CDH12: variants seen among roughly 807,000 people sequenced by gnomAD.
CDH12 encodes cadherin-12.
CDH12 carries 41 observed loss-of-function variants against 74.1 expected under a neutral mutation model. That is an observed-to-expected ratio of 0.55 (90% CI 0.43 to 0.72). CDH12 has a LOEUF of 0.72. Ranked by LOEUF, CDH12 falls within the 30% of genes least tolerant of loss-of-function variation. The pLI, the probability that CDH12 is intolerant of heterozygous loss-of-function variation, is 0.00. For synonymous variants in CDH12, 399 were observed against 355.0 expected (o/e 1.12, Z -1.39); for missense variants, 945 against 977.2 (o/e 0.97, Z 0.44).
chr5:22,816,537 T>G (rs1006392724), intron 1 of CDH12, among the ~76,000 whole-genome samples: 2 of 152,172 alleles, frequency 1.3e-5, no homozygotes, highest in African/African-American at 4.8e-5. Context: ...GGAAAGTATC[T>G]ACTTTTCTTG....
chr5:22,515,714 AT>A (rs1019944119), intron 1 of CDH12, among the ~76,000 whole-genome samples: 1 of 152,096 alleles, frequency 6.6e-6, no homozygotes, highest in African/African-American at 2.4e-5. Context: ...CTAATTAAAA[AT>A]TTTTATATCC....
intron 1 of CDH12, among the ~76,000 whole-genome samples, chr5:22,680,038 A>G (rs1351231800): frequency 4.6e-5 from 7 of 152,134 alleles, no homozygotes. Flanking sequence ...AGATAGCAAC[A>G]GTGTCCTTTG....
At chr5:22,188,027 C>T (rs1750066045) in intron 4 of CDH12, among the ~76,000 whole-genome samples, 1 of 151,330 alleles carries the variant, frequency 6.6e-6, no homozygotes, top group Non-Finnish European at 1.5e-5. Context: ...AAGGGCAGTG[C>T]TGTCATTTGA....
chr5:22,738,934 T>G (rs1744877686), intron 1 of CDH12, among the ~76,000 whole-genome samples: 1 of 152,074 alleles, frequency 6.6e-6, no homozygotes, highest in Admixed American at 6.6e-5. Flanking sequence ...CATTTCATAT[T>G]AAACAACTGA....
At chr5:22,195,451 T>G (rs1459361314) in intron 4 of CDH12, among the ~76,000 whole-genome samples, 1 of 152,202 alleles carries the variant, frequency 6.6e-6, no homozygotes, top group African/African-American at 2.4e-5. Flanking sequence ...GAATTGTAAA[T>G]GCCATTCTTA....
chr5:22,646,270 T>A (rs1739427142), intron 1 of CDH12, among the ~76,000 whole-genome samples: 1 of 151,836 alleles, frequency 6.6e-6, no homozygotes, highest in Non-Finnish European at 1.5e-5. Flanking sequence ...AGAAGAGGAA[T>A]GGTTAAGTGG....
intron 3 of CDH12, among the ~76,000 whole-genome samples, chr5:22,387,699 T>TGA (rs933010066): frequency 5.9e-5 from 9 of 152,178 alleles, no homozygotes; most frequent in Admixed American, 3.9e-4. Flanking sequence ...GGAGGGAGAA[T>TGA]GAGAGATGGG....
At chr5:22,649,025 T>C (rs965784878) in intron 1 of CDH12, among the ~76,000 whole-genome samples, 2 of 151,960 alleles carry the variant, frequency 1.3e-5, no homozygotes, top group Admixed American at 1.3e-4. Context: ...AAGTGAAAAA[T>C]GTACTGAATT....
intron 4 of CDH12, among the ~76,000 whole-genome samples, chr5:22,135,499 T>C (rs955537332): frequency 1.3e-5 from 2 of 152,068 alleles, no homozygotes; most frequent in African/African-American, 4.8e-5. Context: ...TTTTATTCAT[T>C]TATTCAGGAA....
intron 5 of CDH12, among the ~76,000 whole-genome samples, chr5:21,977,430 A>G (rs549032323): frequency 6.6e-6 from 1 of 152,260 alleles, no homozygotes; most frequent in East Asian, 1.9e-4. Flanking sequence ...ATCTAAATAT[A>G]TGAGACAGGC....
At chr5:22,142,023 G>A (rs1038514308) in intron 4 of CDH12, among the ~76,000 whole-genome samples, 1 of 152,104 alleles carries the variant, frequency 6.6e-6, no homozygotes, top group Non-Finnish European at 1.5e-5. Flanking sequence ...TTACTCCTGG[G>A]CTTTTGGAAT....
chr5:22,564,056 A>T (rs1378291501), intron 1 of CDH12, among the ~76,000 whole-genome samples: 1 of 152,184 alleles, frequency 6.6e-6, no homozygotes, highest in African/African-American at 2.4e-5. Context: ...ATAGCCTTAA[A>T]AAAACTACAA....
chr5:21,753,451 G>GC (rs1023581408), intron 14 of CDH12, among the ~76,000 whole-genome samples: 3 of 152,156 alleles, frequency 2.0e-5, no homozygotes, highest in African/African-American at 7.2e-5. Flanking sequence ...TCATGGAGCA[G>GC]CCCCATACAT....
intron 6 of CDH12, among the ~76,000 whole-genome samples, chr5:21,956,022 CAGAG>C (rs1756078632): frequency 6.6e-6 from 1 of 151,670 alleles, no homozygotes; most frequent in African/African-American, 2.4e-5. Flanking sequence ...TGGAAAATAC[CAGAG>C]AAAGATAATA....
At chr5:22,046,589 C>T (rs1739975306) in intron 5 of CDH12, among the ~76,000 whole-genome samples, 1 of 151,702 alleles carries the variant, frequency 6.6e-6, no homozygotes, top group African/African-American at 2.4e-5. Flanking sequence ...TGTTGTTTTT[C>T]TTAATCTATA....
chr5:22,493,885 G>A (rs1487195562), intron 2 of CDH12, among the ~76,000 whole-genome samples: 1 of 152,148 alleles, frequency 6.6e-6, no homozygotes, highest in African/African-American at 2.4e-5. Context: ...TAAACAATGT[G>A]ATGGGATGGT....
chr5:22,815,940 A>C (rs1005706781), intron 1 of CDH12, among the ~76,000 whole-genome samples: 1 of 150,394 alleles, frequency 6.6e-6, no homozygotes, highest in African/African-American at 2.5e-5. Context: ...TCTAGGTTTG[A>C]AAAAAAAGAA....
At chr5:22,529,188 TAGAGAGAGAG>T (rs374921601) in intron 1 of CDH12, among the ~76,000 whole-genome samples, 1,137 of 84,518 alleles carry the variant, frequency 0.013, 20 homozygotes, top group African/African-American at 0.039. Flanking sequence ...TATATATATA[TAGAGAGAGAG>T]AGAGAGAGAG....
chr5:22,321,315 T>C (rs1402947780), intron 3 of CDH12, among the ~76,000 whole-genome samples: 1 of 148,698 alleles, frequency 6.7e-6, no homozygotes, highest in Admixed American at 6.7e-5. Context: ...TATGCAGCCA[T>C]AAAAAATGAT....
Sources: allele counts gnomAD v4.1 joint callset (sites outside exome capture counted in the v4.1 genomes callset), GRCh38; gene constraint gnomAD v4.1.1; transcripts MANE v1.5; gene names NCBI Gene and HGNC (gene_info 2026-07-23, HGNC 2026-07-21).